ARV1: variants seen among roughly 807,000 people sequenced by gnomAD.
ARV1 encodes the protein ARV1 fatty acid homeostasis modulator, also known as protein ARV1.
A neutral mutation model predicts 31.1 loss-of-function variants in ARV1; 26 were observed. That is an observed-to-expected ratio of 0.84 (90% CI 0.61 to 1.16). The LOEUF is 1.16. ARV1 is among the 50% of genes most tolerant of loss of function. ARV1 has a pLI of 0.00. For synonymous variants in ARV1, 117 were observed against 123.2 expected, an observed-to-expected ratio of 0.95 and a Z score of 0.34; for missense variants, 281 against 324.9, an observed-to-expected ratio of 0.86 and a Z score of 1.04.
chr1:230,989,016 T>C (rs901175357), intron 2 of ARV1, among the ~76,000 whole-genome samples: 27 of 152,216 alleles, frequency 1.8e-4, no homozygotes, highest in Admixed American at 1.5e-3. Context: ...GAATTTCATA[T>C]ATACCATGAA....
chr1:230,979,558 T>C, intron 1 of ARV1: 2 of 407,806 alleles, frequency 4.9e-6, no homozygotes, highest in Non-Finnish European at 4.3e-6. Context: ...TAAAGATCAA[T>C]TAGGTTGACA....
chr1:230,995,850 T>C lies in ARV1; in HGVS notation c.539T>C (p.Leu180Pro), dbSNP rs778588561. ...AKKKPNFILL[L>P]KALLLSSYGK... Reference sequence around the variant, plus strand: ...AAAAAGCCCAACTTCATTTTGCTGCTGAAAGCATTATTATTATCTAGCTAC... The same window carrying C: ...AAAAAGCCCAACTTCATTTTGCTGCCGAAAGCATTATTATTATCTAGCTAC... The change falls in exon 4 of 6, where the codon CTG becomes CCG. Residue 180 changes from leucine (L) to proline (P), a missense_variant. Coordinates refer to ENST00000310256, the MANE Select transcript of ARV1 (RefSeq NM_022786.3). 4 of 1,614,192 alleles carry C rather than the reference T, an allele frequency of 2.5e-6. No homozygotes were observed. The highest frequency in any genetic ancestry group is 3.3e-5 in the Admixed American group (2 of 60,034).
Position 230,979,157 on chromosome 1 carries a change from G to A in ARV1, c.52G>A (p.Gly18Arg). 6.2e-7 allele frequency: 1 copy of A among 1,612,844 alleles called. No individual in the cohort carries two copies. The highest frequency in any genetic ancestry group is 8.5e-7 in the Non-Finnish European group (1 of 1,179,646). Residue 18 changes from glycine to arginine, a missense_variant, in exon 1 of 6, where the codon GGG becomes AGG. By Grantham distance (125) the Gly-to-Arg change is moderately radical (BLOSUM62 -2). Coordinates refer to ENST00000310256, the MANE Select transcript of ARV1 (RefSeq NM_022786.3). The stretch of plus-strand genomic sequence containing the variant: ...GCAGCAGGGGAAGGGGAACGTGGAT[G>A]GGGTGGCAGCGACTCCTACTGCTGC... Reference protein sequence around the residue: ...GLQQGKGNVDGVAATPTAASA... With the variant: ...GLQQGKGNVDRVAATPTAASA...
At chr1:230,999,257 G>T (rs1679459793) in intron 5 of ARV1, among the ~76,000 whole-genome samples, 1 of 152,118 alleles carries the variant, frequency 6.6e-6, no homozygotes, top group African/African-American at 2.4e-5. Flanking sequence ...GCACTCTCCT[G>T]TTGAAGCAGA....
At chr1:230,997,660 C>G (rs905943233) in intron 5 of ARV1, among the ~76,000 whole-genome samples, 2 of 152,168 alleles carry the variant, frequency 1.3e-5, no homozygotes, top group Non-Finnish European at 2.9e-5. Flanking sequence ...CTTGACCTCT[C>G]ATTTTCGCTA....
intron 1 of ARV1, among the ~76,000 whole-genome samples, chr1:230,985,937 G>A (rs1268186229): frequency 1.4e-5 from 2 of 140,172 alleles, no homozygotes; most frequent in Non-Finnish European, 3.1e-5. Context: ...TTTTTTTTGA[G>A]ACGGAATCTT....
chr1:230,986,706 T>TTTTTTTTTTTTTTTA, intron 1 of ARV1, among the ~76,000 whole-genome samples: 1 of 84,626 alleles, frequency 1.2e-5, no homozygotes, highest in South Asian at 3.8e-4. Context: ...TTTTTTTTTT[T>TTTTTTTTTTTTTTTA]GAGAGAGAGA....
intron 1 of ARV1, among the ~76,000 whole-genome samples, chr1:230,982,858 C>G (rs1476744122): frequency 6.6e-6 from 1 of 152,158 alleles, no homozygotes; most frequent in Non-Finnish European, 1.5e-5. Context: ...ACATAATCTC[C>G]AGAGTTTCTA....
chr1:230,989,852 C>G (rs1184573030), intron 2 of ARV1, among the ~76,000 whole-genome samples: 1 of 152,144 alleles, frequency 6.6e-6, no homozygotes, highest in African/African-American at 2.4e-5. Context: ...AGTATGATGT[C>G]TATGTTGTAC....
chr1:230,995,343 G>GTCT (rs1431692965), intron 3 of ARV1, among the ~76,000 whole-genome samples: 2 of 152,196 alleles, frequency 1.3e-5, no homozygotes, highest in African/African-American at 4.8e-5. Context: ...AGAGAAAAAT[G>GTCT]TCTTCCTGTG....
intron 1 of ARV1, among the ~76,000 whole-genome samples, chr1:230,988,004 T>G (rs994210053): frequency 5.9e-5 from 9 of 152,176 alleles, no homozygotes; most frequent in African/African-American, 2.2e-4. Flanking sequence ...GGACATAGAG[T>G]CTCTGTAGAT....
chr1:230,983,636 A>T (rs1678974311), intron 1 of ARV1, among the ~76,000 whole-genome samples: 1 of 152,170 alleles, frequency 6.6e-6, no homozygotes, highest in East Asian at 1.9e-4. Context: ...TTAAAGACTT[A>T]AAGAAGGGAA....
intron 1 of ARV1, among the ~76,000 whole-genome samples, chr1:230,982,703 G>A (rs1394652801): frequency 6.6e-6 from 1 of 152,056 alleles, no homozygotes; most frequent in Non-Finnish European, 1.5e-5. Flanking sequence ...TAAACTTTAG[G>A]CCATAATAGC....
intron 3 of ARV1, among the ~76,000 whole-genome samples, chr1:230,995,159 A>G (rs111424285): frequency 0.013 from 1,935 of 152,370 alleles, 36 homozygotes; most frequent in African/African-American, 0.044. Context: ...TGTTCTGACC[A>G]TAGGACACAG....
intron 3 of ARV1, chr1:230,990,594 G>T: frequency 3.4e-6 from 1 of 292,602 alleles, no homozygotes; most frequent in Non-Finnish European, 6.6e-6. Flanking sequence ...TCACTCTGTT[G>T]CCTAGGCTGG....
intron 1 of ARV1, among the ~76,000 whole-genome samples, chr1:230,984,343 C>CGG: frequency 8.4e-6 from 1 of 119,224 alleles, no homozygotes; most frequent in South Asian, 3.6e-4. Flanking sequence ...TTGTTTGTTT[C>CGG]GTGTGTGTGT....
In ARV1 at chr1:230,995,821, A is replaced by G; in HGVS notation, c.510A>G (p.Ala170=). The G allele has an allele frequency of 1.3e-6, 2 of 1,583,532 alleles. No homozygotes were observed. Among genetic ancestry groups the G allele is most frequent in the Middle Eastern group, 1.7e-4 (1 of 5,946 alleles). ...TFLWVERPMT[A]KKKPNFILLL... ...TGTGGGTAGAACGGCCCATGACGGCAAAAAAAAAGCCCAACTTCATTTTGC... is the reference window on the plus strand; with the variant it reads ...TGTGGGTAGAACGGCCCATGACGGCGAAAAAAAAGCCCAACTTCATTTTGC... Residue 170 remains alanine, a synonymous_variant, in exon 4 of 6, where the codon GCA becomes GCG. Coordinates refer to ENST00000310256, the MANE Select transcript of ARV1 (RefSeq NM_022786.3).
rs34285543 is a variant in ARV1, at chr1:230,984,363, C to CGTGTGTGTGTGT, written c.175-3930_175-3919dup. ...TGTTTCGTGTGTGTGTGTGTGTGTG[C>CGTGTGTGTGTGT]GTGTGTGTGTGTGTGTGTGTGTGTG... On this transcript the variant is annotated intron_variant, in intron 1 of 5. Coordinates refer to ENST00000310256, the MANE Select transcript of ARV1 (RefSeq NM_022786.3). Among the ~76,000 whole-genome samples the CGTGTGTGTGTGT allele has an allele frequency of 2.1e-3, 271 of 129,832 alleles. 5 individuals are homozygous for CGTGTGTGTGTGT. The highest frequency in any genetic ancestry group is 7.8e-3 in the Middle Eastern group (2 of 256). The allele number at this position is 129,832 out of a possible 152,430, so 85.2% of individuals were successfully genotyped here.
chr1:230,992,972 C>A (rs73110125), intron 3 of ARV1, among the ~76,000 whole-genome samples: 6,499 of 152,274 alleles, frequency 0.043, 372 homozygotes, highest in African/African-American at 0.13. Flanking sequence ...AATATGTTAA[C>A]CTTTTTATCT....
Sources: allele counts gnomAD v4.1 joint callset (sites outside exome capture counted in the v4.1 genomes callset), GRCh38; gene constraint gnomAD v4.1.1; transcripts MANE v1.5; gene names NCBI Gene and HGNC (gene_info 2026-07-23, HGNC 2026-07-21).